ZNF475: variants seen among roughly 807,000 people sequenced by gnomAD.
ZNF475 encodes zinc finger protein 475.
At chr5:122,177,329 G>A in the ZNF475 span, among the ~76,000 whole-genome samples, 1 of 152,206 alleles carries the variant, frequency 6.6e-6, no homozygotes, top group Admixed American at 6.5e-5. Flanking sequence ...TGTTAACAAT[G>A]TCTGTTATAA....
the ZNF475 span, among the ~76,000 whole-genome samples, chr5:122,165,505 G>T: frequency 6.6e-6 from 1 of 152,126 alleles, no homozygotes; most frequent in Non-Finnish European, 1.5e-5. Context: ...TGTTATTACA[G>T]ATTAATGATT....
At chr5:122,171,385 C>T in the ZNF475 span, among the ~76,000 whole-genome samples, 1 of 152,148 alleles carries the variant, frequency 6.6e-6, no homozygotes, top group South Asian at 2.1e-4. Flanking sequence ...TTCCAGGCAT[C>T]TGTGTACACA....
chr5:122,173,740 G>C, the ZNF475 span, among the ~76,000 whole-genome samples: 1 of 152,190 alleles, frequency 6.6e-6, no homozygotes, highest in Non-Finnish European at 1.5e-5. Flanking sequence ...TCTGTATCTA[G>C]CCTAAATCAA....
chr5:122,180,799 A>C, the ZNF475 span, among the ~76,000 whole-genome samples: 1 of 152,194 alleles, frequency 6.6e-6, no homozygotes, highest in African/African-American at 2.4e-5. Flanking sequence ...AGATTGTATG[A>C]TAAATTCTAG....
chr5:122,164,385 G>A, the ZNF475 span, among the ~76,000 whole-genome samples: 1 of 152,222 alleles, frequency 6.6e-6, no homozygotes, highest in Non-Finnish European at 1.5e-5. Flanking sequence ...TGAAATGGCT[G>A]TTGGTCCATC....
the ZNF475 span, among the ~76,000 whole-genome samples, chr5:122,165,168 T>C: frequency 6.6e-6 from 1 of 152,240 alleles, no homozygotes; most frequent in Non-Finnish European, 1.5e-5. Flanking sequence ...TCCAGATGCA[T>C]CTGCATTTAG....
At chr5:122,174,914 A>G in the ZNF475 span, among the ~76,000 whole-genome samples, 1 of 152,222 alleles carries the variant, frequency 6.6e-6, no homozygotes, top group Non-Finnish European at 1.5e-5. Flanking sequence ...AAACATTTAA[A>G]CATCTTGAAA....
the ZNF475 span, among the ~76,000 whole-genome samples, chr5:122,181,360 G>C: frequency 6.6e-6 from 1 of 152,100 alleles, no homozygotes; most frequent in Non-Finnish European, 1.5e-5. Context: ...TGGAATTTTT[G>C]AGTTCATTTT....
chr5:122,174,851 A>G, the ZNF475 span, among the ~76,000 whole-genome samples: 3 of 152,230 alleles, frequency 2.0e-5, no homozygotes, highest in African/African-American at 7.2e-5. Context: ...TAAACTAAAA[A>G]TCTGCATTTA....
At chr5:122,172,274 C>G in the ZNF475 span, among the ~76,000 whole-genome samples, 1 of 152,160 alleles carries the variant, frequency 6.6e-6, no homozygotes, top group African/African-American at 2.4e-5. Flanking sequence ...GCCAAGACAA[C>G]AGGTATATAA....
At chr5:122,170,246 G>A in the ZNF475 span, among the ~76,000 whole-genome samples, 1 of 152,074 alleles carries the variant, frequency 6.6e-6, no homozygotes, top group African/African-American at 2.4e-5. Context: ...AGACAACTGC[G>A]TGTTGTCCCA....
the ZNF475 span, among the ~76,000 whole-genome samples, chr5:122,177,994 G>A: frequency 6.6e-6 from 1 of 152,100 alleles, no homozygotes; most frequent in African/African-American, 2.4e-5. Flanking sequence ...AACATGGGGT[G>A]TTTGGTTTTC....
chr5:122,162,618 A>C, the ZNF475 span, among the ~76,000 whole-genome samples: 17 of 152,068 alleles, frequency 1.1e-4, no homozygotes, highest in Non-Finnish European at 2.4e-4. Context: ...CAAAATTCTG[A>C]TTTGGAGAAA....
the ZNF475 span, chr5:122,162,446 G>A: frequency 6.6e-6 from 1 of 152,204 alleles, no homozygotes; most frequent in Non-Finnish European, 1.5e-5. Flanking sequence ...ATCAAACTCT[G>A]CAATTGTTAA....
the ZNF475 span, among the ~76,000 whole-genome samples, chr5:122,170,551 G>C: frequency 6.6e-6 from 1 of 152,200 alleles, no homozygotes; most frequent in East Asian, 1.9e-4. Context: ...GTGGTGTGGA[G>C]CTTCTGTGAC....
At chr5:122,173,515 T>G in the ZNF475 span, among the ~76,000 whole-genome samples, 1,194 of 152,356 alleles carry the variant, frequency 7.8e-3, 11 homozygotes, top group Non-Finnish European at 0.011. Context: ...GGATAAAAGT[T>G]GTTAAATATC....
the ZNF475 span, among the ~76,000 whole-genome samples, chr5:122,172,962 G>A: frequency 1.3e-5 from 2 of 152,108 alleles, no homozygotes; most frequent in African/African-American, 2.4e-5. Flanking sequence ...GAACCCGGGA[G>A]GCAGAGCTTG....
chr5:122,174,548 T>C, the ZNF475 span, among the ~76,000 whole-genome samples: 12 of 152,224 alleles, frequency 7.9e-5, no homozygotes, highest in African/African-American at 2.7e-4. Context: ...ATATAGAGCA[T>C]GGGAGAAGCT....
chr5:122,173,636 A>T, the ZNF475 span, among the ~76,000 whole-genome samples: 2 of 152,252 alleles, frequency 1.3e-5, no homozygotes, highest in African/African-American at 4.8e-5. Flanking sequence ...AAATAATATG[A>T]TAATTCCAAA....
Sources: allele counts gnomAD v4.1 joint callset (sites outside exome capture counted in the v4.1 genomes callset), GRCh38; gene constraint gnomAD v4.1.1; transcripts MANE v1.5; gene names NCBI Gene and HGNC (gene_info 2026-07-23, HGNC 2026-07-21).